Variants in IL17RB observed in about 807,000 individuals in gnomAD.
IL17RB encodes the protein interleukin 17 receptor B, also known as interleukin-17 receptor B.
IL17RB carries 36 observed loss-of-function variants against 43.9 expected under a neutral mutation model. The observed-to-expected ratio is 0.82, with a 90% CI of 0.63 to 1.08. The LOEUF (loss-of-function observed/expected upper bound fraction) is 1.08. Among genes scored for constraint, IL17RB ranks in the 50% least tolerant of loss-of-function variants. The pLI, the probability that IL17RB is intolerant of heterozygous loss-of-function variation, is 0.00. For synonymous variants in IL17RB, 225 were observed against 225.4 expected (o/e 1.00, Z 0.02); for missense variants, 613 against 613.6 (o/e 1.00, Z 0.01).
Position 53,860,141 on chromosome 3 carries a change from C to T in IL17RB, c.859C>T (p.Pro287Ser). 1 of 1,613,514 alleles carries T rather than the reference C, an allele frequency of 6.2e-7. No homozygotes were observed. Among genetic ancestry groups the T allele is most frequent in the South Asian group, 1.1e-5 (1 of 91,036 alleles). The change falls in exon 10 of 11, where the codon CCG becomes TCG. Residue 287 changes from proline (P) to serine (S), a missense_variant. Physicochemically the swap from Pro to Ser is moderately conservative, Grantham distance 74 (BLOSUM62 -1). Transcript: ENST00000288167. ...TTTGTTTTTTCCAGACAAAAGCAAGCCGGGAGGCTGGCTGCCTCTCCTCCT... is the reference window on the plus strand; with the variant it reads ...TTTGTTTTTTCCAGACAAAAGCAAGTCGGGAGGCTGGCTGCCTCTCCTCCT... ...PFPLDNNKSK[P>S]GGWLPLLLLS...
Position 53,846,630 on chromosome 3 carries a change from C to G in IL17RB, c.42C>G (p.Ser14Arg). The change falls in exon 1 of 11, where the codon AGC (serine) becomes AGG (arginine). Residue 14 changes from serine to arginine, a missense_variant. Physicochemically the swap from Ser to Arg is moderately radical, Grantham distance 110. Coordinates refer to ENST00000288167, the MANE Select transcript of IL17RB (RefSeq NM_018725.4). ...TAAGCCTGGCCGCGCTGTGCAGGAG[C>G]GCCGTACCCCGAGAGCCGGTAAGCC... is the stretch of plus-strand genomic sequence containing the variant. The part of the protein sequence containing the change: ...VLLSLAALCR[S>R]AVPREPTVQC... 1 of 1,592,224 alleles carries G rather than the reference C, an allele frequency of 6.3e-7. No homozygotes were observed. Among genetic ancestry groups the G allele is most frequent in the Non-Finnish European group, 8.5e-7 (1 of 1,172,546 alleles).
chr3:53,865,322 A>C lies in IL17RB; in HGVS notation c.*14A>C, dbSNP rs1327995114. 6.3e-7 allele frequency: 1 copy of C among 1,591,078 alleles called. No homozygotes were observed. The highest frequency in any genetic ancestry group is 8.5e-7 in the Non-Finnish European group (1 of 1,173,954). ...TGCTCCTTGTAGCCCACCCATGAGA[A>C]GCAAGAGACCTTAAAGGCTTCCTAT... On this transcript the variant is annotated 3_prime_UTR_variant, in exon 11 of 11. Coordinates refer to ENST00000288167, the MANE Select transcript of IL17RB (RefSeq NM_018725.4).
intron 9 of IL17RB, chr3:53,859,107 C>G (rs1699461335): frequency 3.5e-6 from 1 of 286,804 alleles, no homozygotes; most frequent in South Asian, 1.0e-4. Context: ...CCACAAGGAT[C>G]TGCTGAAAAA....
At chr3:53,848,183 C>T (rs1262470449) in intron 1 of IL17RB, among the ~76,000 whole-genome samples, 1 of 152,230 alleles carries the variant, frequency 6.6e-6, no homozygotes, top group African/African-American at 2.4e-5. Context: ...AGAAGGGGAA[C>T]ATTTTAAAGA....
chr3:53,851,890 T>C (rs1699162873), intron 3 of IL17RB, 109 bp from the exon 4 acceptor site: 2 of 1,281,252 alleles, frequency 1.6e-6, no homozygotes, highest in East Asian at 4.9e-5. Context: ...AGTACTATTG[T>C]GAATATGAAC....
chr3:53,849,548 A>T, intron 2 of IL17RB, 107 bp from the exon 3 acceptor site: 6 of 927,548 alleles, frequency 6.5e-6, no homozygotes, highest in Non-Finnish European at 9.2e-6. Context: ...AAAAGAAGTG[A>T]GGAATTGTGA....
At chr3:53,858,565 T>C (rs1189715516) in intron 8 of IL17RB, 154 bp from the exon 9 acceptor site, 3 of 1,447,544 alleles carry the variant, frequency 2.1e-6, no homozygotes, top group Admixed American at 5.1e-5. Context: ...TAGGGCTTTG[T>C]TACAGATGTG....
chr3:53,864,883 G>A lies in IL17RB; in HGVS notation c.1084G>A (p.Glu362Lys), dbSNP rs1275755178. ...TEFLQNHCRS[E>K]VILEKWQKKK... ...ATTTCTTCAAAACCATTGCAGAAGT[G>A]AGGTCATCCTTGAAAAGTGGCAGAA... Residue 362 changes from glutamate to lysine, a missense_variant, in exon 11 of 11, where the codon GAG becomes AAG. Coordinates refer to ENST00000288167, the MANE Select transcript of IL17RB (RefSeq NM_018725.4). 5.6e-6 allele frequency: 9 copies of A among 1,614,098 alleles called. No individual in the cohort carries two copies. Among genetic ancestry groups the A allele is most frequent in the Non-Finnish European group, 7.6e-6 (9 of 1,180,046 alleles).
chr3:53,851,663 T>C (rs1699153213), intron 3 of IL17RB, among the ~76,000 whole-genome samples: 3 of 152,154 alleles, frequency 2.0e-5, no homozygotes, highest in African/African-American at 7.2e-5. Flanking sequence ...CCTCTTCCTC[T>C]TAAAAGAGAC....
chr3:53,850,964 T>C (rs1366869433), intron 3 of IL17RB, among the ~76,000 whole-genome samples: 1 of 152,168 alleles, frequency 6.6e-6, no homozygotes, highest in Non-Finnish European at 1.5e-5. Context: ...ATGTGTGTAC[T>C]TTTCTGTGTA....
At chr3:53,848,543 C>T in intron 1 of IL17RB, 121 bp from the exon 2 acceptor site, 3 of 965,484 alleles carry the variant, frequency 3.1e-6, no homozygotes, top group East Asian at 2.4e-5. Flanking sequence ...TTCATCTTTT[C>T]TTTGAAAGTT....
chr3:53,855,227 C>A, intron 5 of IL17RB, 67 bp from the exon 6 acceptor site: 1 of 1,062,180 alleles, frequency 9.4e-7, no homozygotes, highest in Non-Finnish European at 1.4e-6. Context: ...TGTGTGTGCA[C>A]TTGGCAAAGG....
intron 10 of IL17RB, among the ~76,000 whole-genome samples, chr3:53,862,495 C>A (rs1010364561): frequency 1.3e-5 from 2 of 152,140 alleles, no homozygotes; most frequent in Non-Finnish European, 2.9e-5. Context: ...ACAGGATTTA[C>A]AACAGAGCCA....
intron 5 of IL17RB, among the ~76,000 whole-genome samples, chr3:53,853,707 T>A (rs1699237425): frequency 6.6e-6 from 1 of 152,210 alleles, no homozygotes. Context: ...TCCTGTCATC[T>A]GTCACAGGCA....
chr3:53,850,499 CAAAAA>C (rs57986255), intron 3 of IL17RB, among the ~76,000 whole-genome samples: 1 of 81,900 alleles, frequency 1.2e-5, no homozygotes. Context: ...AACTCCGTCT[CAAAAA>C]AAAAAAAAAA....
chr3:53,857,647 T>C lies in IL17RB; in HGVS notation c.704T>C (p.Val235Ala). The change falls in exon 8 of 11, where the codon GTG (valine) becomes GCG (alanine). Residue 235 changes from valine to alanine, a missense_variant. Coordinates refer to ENST00000288167, the MANE Select transcript of IL17RB (RefSeq NM_018725.4). The stretch of plus-strand genomic sequence containing the variant: ...CAGAAGAAACAAACGCGAGCTTCAG[T>C]GGTGATTCCAGTGACTGGGGATAGT... ...PHQKKQTRAS[V>A]VIPVTGDSEG... 1 of 1,614,084 alleles carries C rather than the reference T, an allele frequency of 6.2e-7. No homozygotes were observed. The highest frequency in any genetic ancestry group is 8.5e-7 in the Non-Finnish European group (1 of 1,179,998).
At position 53,856,967 on chromosome 3, in the gene IL17RB, G is replaced by A; in HGVS notation, c.653G>A (p.Gly218Glu). The change falls in exon 7 of 11, where the codon GGG becomes GAG. Residue 218 changes from glycine (G) to glutamate (E), a missense_variant. By Grantham distance (98) the Gly-to-Glu change is moderately conservative (BLOSUM62 -2). Transcript: ENST00000288167. ...CTTATCCAACACAGCACTATCATCGGGTTTTCTCAGGTGTTTGAGGTACTT... is the reference window on the plus strand; with the variant it reads ...CTTATCCAACACAGCACTATCATCGAGTTTTCTCAGGTGTTTGAGGTACTT... ...MALIQHSTIIGFSQVFEPHQK... is the reference protein window; with the variant it reads ...MALIQHSTIIEFSQVFEPHQK... The A allele has an allele frequency of 6.2e-7, 1 of 1,614,012 alleles. No individual in the cohort carries two copies. Among genetic ancestry groups the A allele is most frequent in the South Asian group, 1.1e-5 (1 of 91,080 alleles).
rs748036901 is a variant in IL17RB at position 53,860,177 on chromosome 3, C to T, written c.895C>T (p.Leu299=). The T allele has an allele frequency of 6.2e-7, 1 of 1,614,110 alleles. No individual in the cohort carries two copies. Among genetic ancestry groups the T allele is most frequent in the Non-Finnish European group, 8.5e-7 (1 of 1,179,976 alleles). ...GWLPLLLLSL[L]VATWVLVAGI... is the part of the protein sequence containing the mutation. ...GCTGCCTCTCCTCCTGCTGTCTCTG[C>T]TGGTGGCCACATGGGTGCTGGTGGC... Residue 299 remains leucine, a synonymous_variant, in exon 10 of 11, where the codon CTG becomes TTG. Transcript: ENST00000288167.
intron 10 of IL17RB, among the ~76,000 whole-genome samples, chr3:53,863,369 T>C (rs1413900741): frequency 1.3e-5 from 2 of 152,094 alleles, no homozygotes; most frequent in African/African-American, 4.8e-5. Flanking sequence ...AACCAGAGCA[T>C]TTACATACTC....
Sources: allele counts gnomAD v4.1 joint callset (sites outside exome capture counted in the v4.1 genomes callset), GRCh38; gene constraint gnomAD v4.1.1; transcripts MANE v1.5; gene names NCBI Gene and HGNC (gene_info 2026-07-23, HGNC 2026-07-21).